Variants in SEPTIN9 observed in about 807,000 individuals in gnomAD.
The protein encoded by SEPTIN9 is septin 9, also known as septin-9.
Under a neutral mutation model 56.6 loss-of-function variants are expected in SEPTIN9, and 13 were observed. That is an observed-to-expected ratio of 0.23 (90% CI 0.15 to 0.37). SEPTIN9 has a LOEUF of 0.37. Among genes scored for constraint, SEPTIN9 ranks in the 10% least tolerant of loss-of-function variants. The probability of loss-of-function intolerance (pLI) is 1.00; values close to 1 mark genes in which losing one functional copy is unlikely to be tolerated. For synonymous variants in SEPTIN9, 332 were observed against 334.1 expected (o/e 0.99, Z 0.07); for missense variants, 650 against 823.1 (o/e 0.79, Z 2.57).
intron 3 of SEPTIN9, among the ~76,000 whole-genome samples, chr17:77,455,560 C>T (rs545985919): frequency 5.3e-5 from 8 of 152,230 alleles, no homozygotes; most frequent in Non-Finnish European, 1.2e-4. Context: ...GTTCCAGGGG[C>T]CACCACAGGA....
chr17:77,357,976 C>T lies in SEPTIN9; in HGVS notation c.77-44083C>T, dbSNP rs312874. On this transcript the variant is annotated intron_variant, in intron 2 of 11. Coordinates refer to ENST00000427177, the MANE Select transcript of SEPTIN9 (RefSeq NM_001113491.2). ...ATTCCTATGAAACGAGGGCGTTAAACTGTATGTTATAAATAATGAGGGCTA... is the reference window on the plus strand; with the variant it reads ...ATTCCTATGAAACGAGGGCGTTAAATTGTATGTTATAAATAATGAGGGCTA... Among the ~76,000 whole-genome samples the T allele has an allele frequency of 4.2e-3, 645 of 152,318 alleles. 6 individuals carry two copies. The highest frequency in any genetic ancestry group is 0.015 in the African/African-American group (610 of 41,558).
At chr17:77,444,616 G>A (rs973029013) in intron 3 of SEPTIN9, 20 of 160,136 alleles carry the variant, frequency 1.2e-4, no homozygotes, top group African/African-American at 4.8e-4. Context: ...ACTAAGTCAG[G>A]GGGCGAGGGG....
intron 11 of SEPTIN9, 107 bp from the exon 12 acceptor site, chr17:77,498,416 G>T: frequency 1.4e-6 from 1 of 702,940 alleles, no homozygotes; most frequent in Non-Finnish European, 2.5e-6. Flanking sequence ...GAGTGGGGGT[G>T]GGGGCAGGCG....
chr17:77,391,642 C>G (rs1447782089), intron 2 of SEPTIN9, among the ~76,000 whole-genome samples: 1 of 152,206 alleles, frequency 6.6e-6, no homozygotes, highest in African/African-American at 2.4e-5. Context: ...TTTTGGGGGA[C>G]ACTGTTGAAC....
At chr17:77,416,755 G>A (rs2036522339) in intron 3 of SEPTIN9, among the ~76,000 whole-genome samples, 1 of 152,136 alleles carries the variant, frequency 6.6e-6, no homozygotes, top group South Asian at 2.1e-4. Flanking sequence ...CCCACTCAAC[G>A]CTGGAACTGG....
chr17:77,348,832 C>T lies in SEPTIN9; in HGVS notation c.76+41635C>T, dbSNP rs150038337. Among the ~76,000 whole-genome samples, 3 of 152,224 alleles carry T rather than the reference C, an allele frequency of 2.0e-5. No homozygotes were observed. The East Asian group carries it at 5.8e-4, about 29-fold the overall frequency. ...CATACACATTGTAAACTAGACAATA[C>T]AATAAGGAAATTTTTGCTTTAAACA... On this transcript the variant is annotated intron_variant, in intron 2 of 11. Coordinates refer to ENST00000427177, the MANE Select transcript of SEPTIN9 (RefSeq NM_001113491.2).
At chr17:77,345,402 G>T (rs2033860179) in intron 2 of SEPTIN9, among the ~76,000 whole-genome samples, 1 of 152,248 alleles carries the variant, frequency 6.6e-6, no homozygotes, top group Non-Finnish European at 1.5e-5. Context: ...AGAACTCGGA[G>T]CGTCCTCCAC....
chr17:77,377,819 G>C (rs1022244260), intron 2 of SEPTIN9, among the ~76,000 whole-genome samples: 5 of 152,198 alleles, frequency 3.3e-5, no homozygotes, highest in Non-Finnish European at 5.9e-5. Context: ...TAGGCCTCTT[G>C]CGTGATGAAC....
At chr17:77,384,548 C>G (rs2035263101) in intron 2 of SEPTIN9, among the ~76,000 whole-genome samples, 1 of 152,028 alleles carries the variant, frequency 6.6e-6, no homozygotes, top group Non-Finnish European at 1.5e-5. Context: ...GCTTGTGAGT[C>G]TTCAGGAGGG....
chr17:77,393,875 C>T (rs1300691393), intron 2 of SEPTIN9, among the ~76,000 whole-genome samples: 14 of 152,146 alleles, frequency 9.2e-5, no homozygotes, highest in East Asian at 3.9e-4. Context: ...CATGAGCCAC[C>T]GCGCCTGGCC....
intron 3 of SEPTIN9, among the ~76,000 whole-genome samples, chr17:77,471,433 AC>A (rs2038993399): frequency 6.6e-6 from 1 of 152,224 alleles, no homozygotes. Flanking sequence ...GCAGGGGGCC[AC>A]CCTGTTGCAC....
chr17:77,488,382 CAG>C, intron 6 of SEPTIN9, 61 bp downstream of exon 6: 1 of 1,465,878 alleles, frequency 6.8e-7, no homozygotes, highest in Non-Finnish European at 9.5e-7. Flanking sequence ...GGACCCCACC[CAG>C]AGTCAGCCCT....
In SEPTIN9 at chr17:77,302,958, G is replaced by A. The variant is rs140295735; in HGVS notation, c.20-4183G>A. On this transcript the variant is annotated intron_variant, in intron 1 of 11. Transcript: ENST00000427177. ...TTCCTCTCCAGGACCAGGGAGCCCC[G>A]CTCGTCTCCTGTCTTCGGCATCTGC... Among the ~76,000 whole-genome samples the A allele has an allele frequency of 2.9e-3, 440 of 152,094 alleles. 5 individuals carry two copies. The highest frequency in any genetic ancestry group is 5.0e-3 in the Non-Finnish European group (342 of 68,000).
chr17:77,305,207 G>A (rs1288013820), intron 1 of SEPTIN9, among the ~76,000 whole-genome samples: 1 of 152,138 alleles, frequency 6.6e-6, no homozygotes, highest in Admixed American at 6.5e-5. Context: ...ACCAAGAGGA[G>A]GATGCTGGGT....
chr17:77,319,561 A>G lies in SEPTIN9; in HGVS notation c.76+12364A>G. ...ATGGGACGGAGGGGGGTGACTTCTCAGGGTTCCTCCTGGGCAGGTGCTCCG... is the reference window on the plus strand; with the variant it reads ...ATGGGACGGAGGGGGGTGACTTCTCGGGGTTCCTCCTGGGCAGGTGCTCCG... On this transcript the variant is annotated intron_variant, in intron 2 of 11. Coordinates refer to ENST00000427177, the MANE Select transcript of SEPTIN9 (RefSeq NM_001113491.2). The surrounding 1 kb of genome is among the most constrained non-coding windows in gnomAD (Gnocchi z 5.3). The G allele has an allele frequency of 9.5e-7, 1 of 1,055,218 alleles. No individual in the cohort carries two copies. The highest frequency in any genetic ancestry group is 1.1e-6 in the Non-Finnish European group (1 of 873,010). The allele number at this position is 1,055,218 out of a possible 1,614,324, so 65.4% of individuals were successfully genotyped here.
intron 2 of SEPTIN9, among the ~76,000 whole-genome samples, chr17:77,399,480 A>C (rs1328023465): frequency 6.6e-6 from 1 of 152,182 alleles, no homozygotes; most frequent in Admixed American, 6.5e-5. Context: ...GGAGCAGATC[A>C]GAGGACCGCG....
intron 3 of SEPTIN9, among the ~76,000 whole-genome samples, chr17:77,424,953 GCTT>G (rs1229008490): frequency 6.6e-6 from 1 of 152,214 alleles, no homozygotes; most frequent in Non-Finnish European, 1.5e-5. Context: ...CAGATTCTGA[GCTT>G]CTCCTTGGCC....
chr17:77,443,797 CA>C (rs34670493), intron 3 of SEPTIN9, among the ~76,000 whole-genome samples: 2 of 146,242 alleles, frequency 1.4e-5, no homozygotes, highest in Non-Finnish European at 3.0e-5. Context: ...GACTCCGTCT[CA>C]AAAAAAAAGA....
chr17:77,499,536 T>C lies in SEPTIN9; in HGVS notation c.*878T>C, dbSNP rs1476902601. 1 of 461,046 alleles carries C rather than the reference T, an allele frequency of 2.2e-6. No individual in the cohort carries two copies. Among genetic ancestry groups the C allele is most frequent in the Non-Finnish European group, 4.2e-6 (1 of 238,474 alleles). The allele number at this position is 461,046 out of a possible 1,614,324, so 28.6% of individuals were successfully genotyped here. On this transcript the variant is annotated 3_prime_UTR_variant, in exon 12 of 12. Transcript: ENST00000427177. ...GTGGAGGAGCTGAGGGAGGGAGCCATGGAAGGTGCCAGAAGGAAGGTTGGC... is the reference window on the plus strand; with the variant it reads ...GTGGAGGAGCTGAGGGAGGGAGCCACGGAAGGTGCCAGAAGGAAGGTTGGC...
Sources: allele counts gnomAD v4.1 joint callset (sites outside exome capture counted in the v4.1 genomes callset), GRCh38; gene constraint gnomAD v4.1.1; non-coding constraint Gnocchi (gnomAD v3.1); transcripts MANE v1.5; gene names NCBI Gene and HGNC (gene_info 2026-07-23, HGNC 2026-07-21).